The following MYH11 variants were observed in gnomAD, a reference collection of about 807,000 sequenced individuals.
The protein encoded by MYH11 is myosin-11.
Under a neutral mutation model 246.6 loss-of-function variants are expected in MYH11, and 80 were observed. That is an observed-to-expected ratio of 0.32 (90% CI 0.27 to 0.39). The LOEUF (loss-of-function observed/expected upper bound fraction) is 0.39, where lower values mean the gene tolerates loss of function less well. MYH11 is among the 10% of genes least tolerant of loss of function. The probability of loss-of-function intolerance (pLI) is 1.00; values close to 1 mark genes in which losing one functional copy is unlikely to be tolerated. For synonymous variants in MYH11, 1,071 were observed against 1,015.5 expected, an observed-to-expected ratio of 1.05 and a Z score of -1.04; for missense variants, 2,158 against 2,546.8, an observed-to-expected ratio of 0.85 and a Z score of 3.29.
intron 9 of MYH11, among the ~76,000 whole-genome samples, chr16:15,770,476 T>C (rs1328870110): frequency 1.3e-5 from 2 of 152,220 alleles, no homozygotes; most frequent in Non-Finnish European, 2.9e-5. Context: ...CAAGAATTTC[T>C]TTCTGAGCTG....
At chr16:15,812,398 C>G (rs1364967601) in intron 3 of MYH11, among the ~76,000 whole-genome samples, 1 of 151,704 alleles carries the variant, frequency 6.6e-6, no homozygotes, top group African/African-American at 2.4e-5. Flanking sequence ...TCATAAGCAC[C>G]ACGAAGATAA....
intron 1 of MYH11, among the ~76,000 whole-genome samples, chr16:15,842,252 A>G (rs138081708): frequency 4.1e-4 from 62 of 152,110 alleles, no homozygotes; most frequent in African/African-American, 1.4e-3. Flanking sequence ...TGGGCGTGGT[A>G]GCATGCGCCT....
intron 5 of MYH11, chr16:15,786,032 C>T (rs1456659384): frequency 1.2e-5 from 3 of 242,492 alleles, no homozygotes; most frequent in Non-Finnish European, 8.1e-6. Context: ...AGCCCACGGG[C>T]CGAGTGATAC....
Position 15,837,999 on chromosome 16 carries a change from G to T in MYH11, c.254C>A (p.Ser85Tyr), listed in dbSNP as rs148687580. ...CAGCTCCGCCATGTCCTCCACCTTG[G>T]AGAACTTGGGTGGGTTCATCTTCTG... is the stretch of plus-strand genomic sequence containing the variant. ...DIQKMNPPKF[S>Y]KVEDMAELTC... The change falls in exon 2 of 41, where the codon TCC (serine) becomes TAC (tyrosine). Residue 85 changes from serine to tyrosine, a missense_variant. This residue lies in a region of MYH11 where 36 missense variants were observed against 73.9 expected (regional missense o/e 0.49). Transcript: ENST00000300036. 1.3e-5 allele frequency: 21 copies of T among 1,614,126 alleles called. No homozygotes were observed. The highest frequency in any genetic ancestry group is 1.8e-5 in the Non-Finnish European group (21 of 1,180,014).
At chr16:15,726,458 C>T (rs1313086326) in intron 28 of MYH11, 3 of 328,610 alleles carry the variant, frequency 9.1e-6, no homozygotes, top group Non-Finnish European at 1.8e-5. Flanking sequence ...GCAACCTCTG[C>T]CTCCTGGGTT....
chr16:15,819,680 T>C (rs2043352977), intron 3 of MYH11, among the ~76,000 whole-genome samples: 1 of 152,204 alleles, frequency 6.6e-6, no homozygotes, highest in African/African-American at 2.4e-5. Flanking sequence ...AATGATTTCA[T>C]TATATATGAC....
chr16:15,843,032 C>T (rs1016975954), intron 1 of MYH11, among the ~76,000 whole-genome samples: 29 of 152,244 alleles, frequency 1.9e-4, no homozygotes, highest in African/African-American at 6.5e-4. Flanking sequence ...CCAGCGAATA[C>T]ATGCAGAACA....
At chr16:15,729,698 C>T (rs930935038) in intron 27 of MYH11, among the ~76,000 whole-genome samples, 16 of 151,910 alleles carry the variant, frequency 1.1e-4, no homozygotes, top group Non-Finnish European at 2.2e-4. Flanking sequence ...TTACAGGCGA[C>T]CGCCACCACG....
intron 3 of MYH11, among the ~76,000 whole-genome samples, chr16:15,805,402 C>T (rs566234767): frequency 7.9e-5 from 12 of 152,102 alleles, no homozygotes; most frequent in South Asian, 6.2e-4. Flanking sequence ...AACATTCTGG[C>T]GGAAAAAGGT....
intron 3 of MYH11, among the ~76,000 whole-genome samples, chr16:15,812,141 G>C (rs2043152033): frequency 6.6e-6 from 1 of 152,142 alleles, no homozygotes; most frequent in East Asian, 1.9e-4. Context: ...TGGTTGCCCG[G>C]TGTCACCGAC....
chr16:15,715,121 C>G (rs1415017092), intron 39 of MYH11, 40 bp from the exon 40 acceptor site: 2 of 1,592,504 alleles, frequency 1.3e-6, no homozygotes, highest in Non-Finnish European at 1.7e-6. Flanking sequence ...GGGAGGCCGG[C>G]TGGGGGCTGG....
intron 40 of MYH11, among the ~76,000 whole-genome samples, chr16:15,705,540 T>C (rs2039402528): frequency 6.6e-6 from 1 of 152,212 alleles, no homozygotes; most frequent in African/African-American, 2.4e-5. Flanking sequence ...TATGTTGGGC[T>C]CTGGCCATCT....
chr16:15,850,497 T>C (rs2044303660), intron 1 of MYH11, among the ~76,000 whole-genome samples: 1 of 152,212 alleles, frequency 6.6e-6, no homozygotes, highest in Admixed American at 6.5e-5. Context: ...TGCCAAGCCA[T>C]TGGCTAAAGA....
Position 15,807,309 on chromosome 16 carries a change from C to G in MYH11, c.503-8622G>C, listed in dbSNP as rs554328786. On this transcript the variant is annotated intron_variant, in intron 3 of 40. Coordinates refer to ENST00000300036, the MANE Select transcript of MYH11 (RefSeq NM_002474.3). ...CACCGAGCTTCATGACTTGCTTATC[C>G]TTGCTTTTGAGAAGTTCATGACCCA... is the stretch of plus-strand genomic sequence containing the variant. Among the ~76,000 whole-genome samples, 48 of 152,204 alleles carry G rather than the reference C, an allele frequency of 3.2e-4. No homozygotes were observed. In the South Asian group the frequency reaches 3.7e-3, roughly 12 times the overall value.
At chr16:15,724,857 G>C in intron 29 of MYH11, 31 bp downstream of exon 29, 1 of 1,613,834 alleles carries the variant, frequency 6.2e-7, no homozygotes, top group South Asian at 1.1e-5. Context: ...CCACCCCCCA[G>C]GTCCCCTGGA....
chr16:15,763,742 C>CCCG, intron 10 of MYH11, 54 bp downstream of exon 10: 1 of 627,776 alleles, frequency 1.6e-6, no homozygotes, highest in Non-Finnish European at 3.0e-6. Flanking sequence ...AATGTCACCT[C>CCCG]CCCCACCCCC....
At chr16:15,838,512 G>T (rs1435122929) in intron 1 of MYH11, among the ~76,000 whole-genome samples, 6 of 152,084 alleles carry the variant, frequency 3.9e-5, no homozygotes, top group African/African-American at 1.4e-4. Flanking sequence ...ACATACAGCT[G>T]GATACATAAG....
At chr16:15,838,856 C>T (rs1299432512) in intron 1 of MYH11, among the ~76,000 whole-genome samples, 12 of 88,840 alleles carry the variant, frequency 1.4e-4, no homozygotes, top group East Asian at 6.2e-4. Flanking sequence ...GACTCCATCT[C>T]AAAAAAAAAA....
chr16:15,714,798 G>T (rs1016570210), intron 40 of MYH11, 111 bp downstream of exon 40: 5 of 1,307,550 alleles, frequency 3.8e-6, no homozygotes, highest in Non-Finnish European at 4.4e-6. Flanking sequence ...ACCACAGAAG[G>T]GAGTGGCGGC....
Sources: allele counts gnomAD v4.1 joint callset (sites outside exome capture counted in the v4.1 genomes callset), GRCh38; gene constraint gnomAD v4.1.1; regional missense constraint gnomAD v4.1.1; transcripts MANE v1.5; gene names NCBI Gene and HGNC (gene_info 2026-07-23, HGNC 2026-07-21).